Variants in MAP2K3 observed in about 807,000 individuals in gnomAD.
MAP2K3 encodes the protein dual specificity mitogen-activated protein kinase kinase 3.
A neutral mutation model predicts 46.4 loss-of-function variants in MAP2K3; 30 were observed. That is an observed-to-expected ratio of 0.65 (90% CI 0.48 to 0.88). The LOEUF (loss-of-function observed/expected upper bound fraction) is 0.88. MAP2K3 is among the 40% of genes least tolerant of loss of function. MAP2K3 has a pLI of 0.00. For missense variants in MAP2K3, 380 were observed against 464.5 expected, an observed-to-expected ratio of 0.82 and a Z score of 1.67; for synonymous variants, 189 against 176.3, an observed-to-expected ratio of 1.07 and a Z score of -0.57.
intron 1 of MAP2K3, among the ~76,000 whole-genome samples, chr17:21,295,326 A>G (rs1472663021): frequency 6.6e-6 from 1 of 152,306 alleles, no homozygotes; most frequent in East Asian, 1.9e-4. Context: ...CAGTGGCTGA[A>G]TTCTGGTCAG....
intron 3 of MAP2K3, among the ~76,000 whole-genome samples, chr17:21,300,145 T>G (rs1976509084): frequency 6.6e-6 from 1 of 152,312 alleles, no homozygotes; most frequent in East Asian, 1.9e-4. Flanking sequence ...TACTTTTGTT[T>G]TGTTGTCACT....
chr17:21,303,352 G>A (rs970784661), intron 7 of MAP2K3, 118 bp downstream of exon 7: 8 of 1,418,658 alleles, frequency 5.6e-6, no homozygotes, highest in Non-Finnish European at 7.7e-6. Flanking sequence ...GTTGTGACGT[G>A]CCCGATGGGG....
chr17:21,293,950 C>T (rs1976092229), intron 1 of MAP2K3, among the ~76,000 whole-genome samples: 1 of 152,306 alleles, frequency 6.6e-6, no homozygotes, highest in Non-Finnish European at 1.5e-5. Context: ...CCACCCCCTG[C>T]TGCCCACAGG....
chr17:21,309,758 C>T (rs1233290415), intron 9 of MAP2K3, among the ~76,000 whole-genome samples: 2 of 151,768 alleles, frequency 1.3e-5, no homozygotes, highest in Admixed American at 6.6e-5. Context: ...GGACTACAGG[C>T]GTGCGCCACC....
At chr17:21,313,467 C>G (rs1211365823) in intron 10 of MAP2K3, 25 bp from the exon 11 acceptor site, 2 of 1,609,692 alleles carry the variant, frequency 1.2e-6, no homozygotes, top group Non-Finnish European at 1.7e-6. Flanking sequence ...GCCAGCCTGG[C>G]CACAGCTGCA....
chr17:21,301,134 T>A, intron 5 of MAP2K3, 141 bp downstream of exon 5: 1 of 1,422,396 alleles, frequency 7.0e-7, no homozygotes, highest in Non-Finnish European at 9.7e-7. Context: ...GTCTCTTGGC[T>A]GTTACTGTCC....
chr17:21,285,246 G>C (rs1298814821), intron 1 of MAP2K3: 6 of 985,172 alleles, frequency 6.1e-6, no homozygotes, highest in African/African-American at 3.5e-5. Context: ...CAAGTCAGGA[G>C]CCTCATTCTG....
At chr17:21,307,931 C>T (rs2144639420) in intron 9 of MAP2K3, among the ~76,000 whole-genome samples, 1 of 149,562 alleles carries the variant, frequency 6.7e-6, no homozygotes, top group Non-Finnish European at 1.5e-5. Context: ...TCTCAGCTCA[C>T]TGCAACCTCT....
Position 21,285,899 on chromosome 17 carries a change from A to ATT in MAP2K3, c.49+941_49+942dup, listed in dbSNP as rs113541487. Among the ~76,000 whole-genome samples, 428 of 148,806 alleles carry ATT rather than the reference A, an allele frequency of 2.9e-3. 5 individuals carry two copies. In the South Asian group the frequency reaches 0.045, roughly 16 times the overall value. ...ATGAAACTCGGAGGGCAAAAGGGGA[A>ATT]TTTTTTTTTTTTCAGGAAGAGGAAA... On this transcript the variant is annotated intron_variant, in intron 1 of 11. Coordinates refer to ENST00000342679, the MANE Select transcript of MAP2K3 (RefSeq NM_145109.3).
chr17:21,298,232 G>T, intron 1 of MAP2K3, 181 bp from the exon 2 acceptor site: 2 of 867,124 alleles, frequency 2.3e-6, no homozygotes, highest in South Asian at 1.3e-5. Context: ...TCCCCTGCAG[G>T]GCTGGTGGGC....
Position 21,302,129 on chromosome 17 carries a change from G to T in MAP2K3, c.400-14G>T. 2 of 1,614,134 alleles carry T rather than the reference G, an allele frequency of 1.2e-6. No homozygotes were observed. Among genetic ancestry groups the T allele is most frequent in the South Asian group, 1.1e-5 (1 of 91,084 alleles). ...AGCCCGGCAGCCTGGCTGAGCTCTG[G>T]GTGTCACCCACAGGGAGACGTGTGG... On this transcript the variant is annotated splice_polypyrimidine_tract_variant and intron_variant, in intron 5 of 11. Coordinates refer to ENST00000342679, the MANE Select transcript of MAP2K3 (RefSeq NM_145109.3).
At chr17:21,290,118 TGCG>T (rs1975845691) in intron 1 of MAP2K3, among the ~76,000 whole-genome samples, 1 of 152,204 alleles carries the variant, frequency 6.6e-6, no homozygotes, top group Non-Finnish European at 1.5e-5. Context: ...TGTGCGGTGA[TGCG>T]GTGACAGGCC....
At chr17:21,290,857 G>A (rs1419883976) in intron 1 of MAP2K3, among the ~76,000 whole-genome samples, 3 of 152,302 alleles carry the variant, frequency 2.0e-5, no homozygotes, top group Admixed American at 2.0e-4. Flanking sequence ...AGGCAGAGGT[G>A]GGAGGATCGT....
chr17:21,290,419 C>T (rs959146092), intron 1 of MAP2K3, among the ~76,000 whole-genome samples: 2 of 152,304 alleles, frequency 1.3e-5, no homozygotes. Flanking sequence ...TCCCGGATGG[C>T]TGGGGCAGAC....
chr17:21,298,569 C>A (rs1976400182), intron 2 of MAP2K3, 90 bp downstream of exon 2: 25 of 1,599,336 alleles, frequency 1.6e-5, no homozygotes, highest in Non-Finnish European at 2.1e-5. Flanking sequence ...GTGGGGCCAG[C>A]CCTGCTTTAC....
At chr17:21,311,080 T>G (rs1454654434) in intron 9 of MAP2K3, among the ~76,000 whole-genome samples, 2 of 152,172 alleles carry the variant, frequency 1.3e-5, no homozygotes, top group Non-Finnish European at 2.9e-5. Context: ...CAGTGGGCCC[T>G]GCCTGTGTGG....
intron 1 of MAP2K3, among the ~76,000 whole-genome samples, chr17:21,291,957 G>A (rs1975962421): frequency 6.6e-6 from 1 of 152,312 alleles, no homozygotes; most frequent in Non-Finnish European, 1.5e-5. Flanking sequence ...GCACAGAGAG[G>A]GAGTGTGGCT....
intron 1 of MAP2K3, among the ~76,000 whole-genome samples, chr17:21,287,276 A>T (rs932751931): frequency 2.6e-5 from 4 of 152,228 alleles, no homozygotes; most frequent in Non-Finnish European, 5.9e-5. Context: ...AGCGCTTTAC[A>T]CTGGGCCTGT....
intron 1 of MAP2K3, chr17:21,295,720 G>A: frequency 7.8e-7 from 1 of 1,289,572 alleles, no homozygotes; most frequent in Non-Finnish European, 1.0e-6. Context: ...AGGCCTGCGA[G>A]GAGCGTGGTC....
Sources: gnomAD v4.1 joint callset for allele counts (sites outside exome capture counted in the v4.1 genomes callset) on GRCh38, gnomAD v4.1.1 for gene constraint, MANE v1.5 for transcripts, NCBI Gene and HGNC (gene_info 2026-07-23, HGNC 2026-07-21) for gene names.